Variants in RNF111 observed in about 807,000 individuals in gnomAD.
RNF111 encodes the protein E3 ubiquitin-protein ligase Arkadia.
RNF111 carries 17 observed loss-of-function variants against 95.1 expected under a neutral mutation model. That is an observed-to-expected ratio of 0.18 (90% CI 0.12 to 0.27). The LOEUF (loss-of-function observed/expected upper bound fraction) is 0.27, where lower values mean the gene tolerates loss of function less well. RNF111 is among the 10% of genes least tolerant of loss of function. The pLI is 1.00. For synonymous variants in RNF111, 440 were observed against 414.8 expected (o/e 1.06, Z -0.74); for missense variants, 1,189 against 1,210.4 (o/e 0.98, Z 0.26).
intron 1 of RNF111, among the ~76,000 whole-genome samples, chr15:59,026,910 C>T (rs538955675): frequency 3.3e-5 from 5 of 152,248 alleles, no homozygotes; most frequent in African/African-American, 1.2e-4. Flanking sequence ...ATACACCAAA[C>T]CACCCCCCCT....
chr15:59,062,052 T>C (rs1347904889), intron 5 of RNF111, among the ~76,000 whole-genome samples: 4 of 101,746 alleles, frequency 3.9e-5, no homozygotes, highest in Non-Finnish European at 8.3e-5. Flanking sequence ...TTTAAACTTC[T>C]TTTTTTTTTT....
chr15:59,057,926 A>T (rs567265859), intron 4 of RNF111, among the ~76,000 whole-genome samples: 2 of 152,308 alleles, frequency 1.3e-5, no homozygotes, highest in Admixed American at 1.3e-4. Context: ...TGAAATCAGT[A>T]TTGCTATCCA....
chr15:58,990,387 T>C (rs761140500), intron 1 of RNF111, among the ~76,000 whole-genome samples: 15 of 152,240 alleles, frequency 9.9e-5, no homozygotes, highest in Middle Eastern at 3.4e-3. Context: ...GGGCCAGGCG[T>C]GGTGGCTCAC....
At chr15:59,093,168 T>C (rs796122264) in intron 13 of RNF111, among the ~76,000 whole-genome samples, 2 of 152,258 alleles carry the variant, frequency 1.3e-5, no homozygotes, top group African/African-American at 4.8e-5. Context: ...CTGCCTATTG[T>C]AGGGCCACAC....
chr15:59,064,533 C>T (rs1333652944), intron 5 of RNF111, among the ~76,000 whole-genome samples: 43 of 77,324 alleles, frequency 5.6e-4, no homozygotes, highest in African/African-American at 3.0e-3. Context: ...AAGACTTTGT[C>T]GCAAAAAAAA....
intron 8 of RNF111, among the ~76,000 whole-genome samples, chr15:59,081,809 T>C (rs1048820001): frequency 3.7e-4 from 57 of 152,160 alleles, no homozygotes; most frequent in African/African-American, 1.3e-3. Flanking sequence ...GGAGGATCGC[T>C]TGAGCCCAGG....
intron 1 of RNF111, among the ~76,000 whole-genome samples, chr15:59,016,421 G>A (rs150093011): frequency 6.3e-4 from 96 of 152,060 alleles, no homozygotes; most frequent in African/African-American, 2.2e-3. Context: ...GCCCACTTTG[G>A]CCTAATTATT....
At chr15:59,045,801 A>C (rs1481395881) in intron 2 of RNF111, among the ~76,000 whole-genome samples, 1 of 152,206 alleles carries the variant, frequency 6.6e-6, no homozygotes, top group African/African-American at 2.4e-5. Context: ...TTCCTTTTGT[A>C]CTTCTACCTT....
chr15:59,041,042 C>T (rs1409749332), intron 2 of RNF111, among the ~76,000 whole-genome samples: 7 of 151,968 alleles, frequency 4.6e-5, no homozygotes, highest in Non-Finnish European at 1.0e-4. Flanking sequence ...TCAAAAGTGT[C>T]TCTTGCTTTT....
At chr15:59,019,220 T>A (rs752562006) in intron 1 of RNF111, among the ~76,000 whole-genome samples, 1 of 151,832 alleles carries the variant, frequency 6.6e-6, no homozygotes, top group Non-Finnish European at 1.5e-5. Context: ...ATTACAGGTG[T>A]GATCCATTTA....
At chr15:59,075,294 G>A (rs1163968615) in intron 6 of RNF111, among the ~76,000 whole-genome samples, 1 of 152,144 alleles carries the variant, frequency 6.6e-6, no homozygotes, top group Non-Finnish European at 1.5e-5. Context: ...CACTAAATGT[G>A]CCTATAAAAT....
intron 2 of RNF111, chr15:59,050,513 C>G (rs528677250): frequency 6.6e-6 from 1 of 152,128 alleles, no homozygotes; most frequent in Non-Finnish European, 1.5e-5. Context: ...ACACTAGACT[C>G]TATATCAAAG....
At chr15:59,079,298 C>A (rs1011480383) in intron 7 of RNF111, among the ~76,000 whole-genome samples, 4 of 152,182 alleles carry the variant, frequency 2.6e-5, no homozygotes, top group African/African-American at 9.6e-5. Flanking sequence ...AGTTAACAAT[C>A]ATAAAACATA....
intron 1 of RNF111, among the ~76,000 whole-genome samples, chr15:59,000,435 G>A (rs185915422): frequency 2.6e-5 from 4 of 152,140 alleles, no homozygotes; most frequent in Admixed American, 2.0e-4. Context: ...CTCAGGACCG[G>A]GCCTGGTGGC....
chr15:59,080,098 G>C (rs1443686685), intron 7 of RNF111, among the ~76,000 whole-genome samples: 1 of 149,888 alleles, frequency 6.7e-6, no homozygotes, highest in African/African-American at 2.5e-5. Flanking sequence ...GGGTAATCAG[G>C]CCTTCTTGTG....
rs188977548 is a variant in RNF111, at chr15:58,993,368, A to G, written c.-20+5300A>G. Among the ~76,000 whole-genome samples, 702 of 151,504 alleles carry G rather than the reference A, an allele frequency of 4.6e-3. 5 individuals are homozygous for G. Among genetic ancestry groups the G allele is most frequent in the Middle Eastern group, 0.01 (3 of 290 alleles). On this transcript the variant is annotated intron_variant, in intron 1 of 13. Transcript: ENST00000348370. ...TACTAAAAACACAAAAATAAAAAAA[A>G]TATAACTGTAAATACAAAAATTAGC...
At chr15:59,051,636 G>T (rs1237467219) in intron 2 of RNF111, among the ~76,000 whole-genome samples, 2 of 151,814 alleles carry the variant, frequency 1.3e-5, no homozygotes, top group African/African-American at 4.8e-5. Flanking sequence ...TGGTGTGGTG[G>T]TGCATGCCTG....
chr15:59,016,491 G>A (rs2040074154), intron 1 of RNF111, among the ~76,000 whole-genome samples: 1 of 152,092 alleles, frequency 6.6e-6, no homozygotes, highest in Admixed American at 6.6e-5. Flanking sequence ...ATGGGAACCT[G>A]TATTTTCTCT....
At chr15:59,089,429 A>G (rs774566670) in intron 10 of RNF111, among the ~76,000 whole-genome samples, 2 of 152,190 alleles carry the variant, frequency 1.3e-5, no homozygotes, top group Non-Finnish European at 2.9e-5. Context: ...ACTCTTTTCA[A>G]GTTTGAGCTA....
Sources: allele counts gnomAD v4.1 joint callset (sites outside exome capture counted in the v4.1 genomes callset), GRCh38; gene constraint gnomAD v4.1.1; transcripts MANE v1.5; gene names NCBI Gene and HGNC (gene_info 2026-07-23, HGNC 2026-07-21).